TTC9: variants seen among roughly 807,000 people sequenced by gnomAD.
The protein encoded by TTC9 is tetratricopeptide repeat protein 9A.
Under a neutral mutation model 22.9 loss-of-function variants are expected in TTC9, and 13 were observed. The ratio of observed to expected loss-of-function variants is 0.57; its 90% CI spans 0.37 to 0.90. The LOEUF (loss-of-function observed/expected upper bound fraction) is 0.90. TTC9 is among the 40% of genes least tolerant of loss of function. TTC9 has a pLI of 0.01. For missense variants in TTC9, 280 were observed against 291.8 expected (o/e 0.96, Z 0.29); for synonymous variants, 148 against 133.2 (o/e 1.11, Z -0.77).
At chr14:70,666,424 C>G (rs1886216381) in intron 1 of TTC9, among the ~76,000 whole-genome samples, 1 of 152,188 alleles carries the variant, frequency 6.6e-6, no homozygotes. Context: ...AGCCCCCTCT[C>G]TCAGGAACTG....
At chr14:70,647,489 G>GT (rs1885919470) in intron 1 of TTC9, among the ~76,000 whole-genome samples, 1 of 152,150 alleles carries the variant, frequency 6.6e-6, no homozygotes, top group Non-Finnish European at 1.5e-5. Flanking sequence ...GATTATTTGT[G>GT]TTTCTGAGAA....
intron 1 of TTC9, among the ~76,000 whole-genome samples, chr14:70,661,115 T>G (rs941803563): frequency 4.6e-5 from 7 of 152,162 alleles, no homozygotes; most frequent in African/African-American, 1.7e-4. Context: ...TCCAAGCCTC[T>G]CTCCTAACTT....
At chr14:70,665,468 G>C (rs934795919) in intron 1 of TTC9, among the ~76,000 whole-genome samples, 2 of 150,786 alleles carry the variant, frequency 1.3e-5, no homozygotes, top group East Asian at 3.9e-4. Flanking sequence ...GAGAGGGGAG[G>C]GGGGCTTGTA....
chr14:70,671,189 G>A lies in TTC9; in HGVS notation c.*34G>A. On this transcript the variant is annotated 3_prime_UTR_variant, in exon 3 of 3. Transcript: ENST00000256367. Reference sequence around the variant, plus strand: ...CAGCTCCAGAGCTGCGCCCACGCCTGACCGGGGACTTCCAGGCATCCCCTG... The same window carrying A: ...CAGCTCCAGAGCTGCGCCCACGCCTAACCGGGGACTTCCAGGCATCCCCTG... The A allele has an allele frequency of 6.3e-7, 1 of 1,592,354 alleles. No individual in the cohort carries two copies. Among genetic ancestry groups the A allele is most frequent in the Non-Finnish European group, 8.6e-7 (1 of 1,162,514 alleles).
At chr14:70,665,866 C>T (rs897189889) in intron 1 of TTC9, among the ~76,000 whole-genome samples, 2 of 152,132 alleles carry the variant, frequency 1.3e-5, no homozygotes, top group Admixed American at 6.5e-5. Flanking sequence ...GAGGTGTCTT[C>T]TGTCAGTGTG....
chr14:70,642,360 A>T lies in TTC9; in HGVS notation c.231A>T (p.Ile77=), dbSNP rs759548032. Reference sequence around the variant, plus strand: ...AGGACAAGAAATTCCGTGAAGCCATAGGCAAATACCACCGGGCGTTGCTGG... The same window carrying T: ...AGGACAAGAAATTCCGTGAAGCCATTGGCAAATACCACCGGGCGTTGCTGG... ...CYKDKKFREA[I]GKYHRALLEL... Residue 77 remains isoleucine (I), a synonymous_variant, in exon 1 of 3, where the codon ATA becomes ATT. Coordinates refer to ENST00000256367, the MANE Select transcript of TTC9 (RefSeq NM_015351.2). 4 of 1,604,554 alleles carry T rather than the reference A, an allele frequency of 2.5e-6. No homozygotes were observed. In the South Asian group the frequency reaches 3.4e-5, roughly 13 times the overall value.
intron 1 of TTC9, among the ~76,000 whole-genome samples, chr14:70,659,138 A>G (rs997728391): frequency 2.0e-5 from 3 of 151,594 alleles, no homozygotes; most frequent in South Asian, 2.1e-4. Flanking sequence ...ACACGCACAC[A>G]CACACACACA....
chr14:70,646,838 G>A (rs1466999443), intron 1 of TTC9, among the ~76,000 whole-genome samples: 1 of 152,188 alleles, frequency 6.6e-6, no homozygotes. Flanking sequence ...GATGGTGCTG[G>A]TTTGAAACAA....
chr14:70,671,308 C>T lies in TTC9; in HGVS notation c.*153C>T, dbSNP rs1886291531. The T allele has an allele frequency of 1.6e-5, 10 of 615,670 alleles. No homozygotes were observed. In the South Asian group the frequency reaches 2.0e-4, roughly 12 times the overall value. The allele number at this position is 615,670 out of a possible 1,614,324, so 38.1% of individuals were successfully genotyped here. A position where few individuals can be genotyped will look rare whatever the true frequency, so the allele number is the denominator to read the frequency against. On this transcript the variant is annotated 3_prime_UTR_variant, in exon 3 of 3. Transcript: ENST00000256367. ...TTGCACCCCAGCTCTTTGTCTCCTC[C>T]CAGTACGAAAAGGAGAGATGCAAAT...
At chr14:70,664,114 G>A (rs751596220) in intron 1 of TTC9, among the ~76,000 whole-genome samples, 14 of 152,084 alleles carry the variant, frequency 9.2e-5, no homozygotes, top group Non-Finnish European at 1.9e-4. Context: ...TGACACCAGA[G>A]AAGGGATTAA....
At chr14:70,643,665 CAGTGG>C (rs1885861586) in intron 1 of TTC9, among the ~76,000 whole-genome samples, 2 of 152,056 alleles carry the variant, frequency 1.3e-5, no homozygotes, top group African/African-American at 4.8e-5. Context: ...GAAGCCGAGG[CAGTGG>C]TGGGGGAGTA....
intron 1 of TTC9, among the ~76,000 whole-genome samples, chr14:70,662,291 C>G (rs1186866696): frequency 6.6e-6 from 1 of 152,106 alleles, no homozygotes; most frequent in Admixed American, 6.6e-5. Flanking sequence ...ACCTTTCCAA[C>G]TCAACAGCCT....
intron 1 of TTC9, among the ~76,000 whole-genome samples, chr14:70,663,181 C>T (rs1348763112): frequency 6.6e-6 from 1 of 152,122 alleles, no homozygotes; most frequent in Non-Finnish European, 1.5e-5. Context: ...CTTTTTTACC[C>T]TTCCCTCTGG....
In TTC9 at chr14:70,645,530, C is replaced by G. The variant is rs555734398; in HGVS notation, c.406+2995C>G. ...TCATGAAGATTATTTTAAATAGCAA[C>G]AGAAAAGTTTTACATGTGTATTTAT... On this transcript the variant is annotated intron_variant, in intron 1 of 2. Coordinates refer to ENST00000256367, the MANE Select transcript of TTC9 (RefSeq NM_015351.2). 1.6e-4 allele frequency among the ~76,000 whole-genome samples: 24 copies of G among 152,218 alleles called. 1 individual carries two copies. Among genetic ancestry groups the G allele is most frequent in the Admixed American group, 1.4e-3 (21 of 15,296 alleles).
intron 1 of TTC9, among the ~76,000 whole-genome samples, chr14:70,663,856 G>T (rs1243389234): frequency 6.6e-6 from 1 of 152,118 alleles, no homozygotes; most frequent in African/African-American, 2.4e-5. Flanking sequence ...GGGCTGTGTG[G>T]GTTTCCGATG....
At position 70,669,996 on chromosome 14, in the gene TTC9, G is replaced by A. The variant is rs373754419; in HGVS notation, c.590-1080G>A. Among the ~76,000 whole-genome samples the A allele has an allele frequency of 7.9e-5, 12 of 152,296 alleles. 2 individuals are homozygous for A. The highest frequency in any genetic ancestry group is 2.9e-4 in the African/African-American group (12 of 41,554). On this transcript the variant is annotated intron_variant, in intron 2 of 2. Transcript: ENST00000256367. ...GAAATGCCCCAGTTTTGGTGAGGTG[G>A]TCATCTGACCCTGCTTATAACGACA...
intron 1 of TTC9, among the ~76,000 whole-genome samples, chr14:70,655,420 CAAAG>C (rs1377391545): frequency 6.8e-6 from 1 of 146,052 alleles, no homozygotes; most frequent in Non-Finnish European, 1.5e-5. Context: ...AAAAAAAAAA[CAAAG>C]AAGAAGGTAA....
intron 1 of TTC9, among the ~76,000 whole-genome samples, chr14:70,653,892 CAG>C (rs968694835): frequency 3.3e-5 from 5 of 152,276 alleles, no homozygotes; most frequent in Non-Finnish European, 4.4e-5. Flanking sequence ...GGAAGAGAAA[CAG>C]AGGATGGCAG....
At chr14:70,664,427 T>G (rs1886184743) in intron 1 of TTC9, among the ~76,000 whole-genome samples, 1 of 152,076 alleles carries the variant, frequency 6.6e-6, no homozygotes, top group Non-Finnish European at 1.5e-5. Context: ...CTGGATTCCC[T>G]TAAGAGTCCT....
Sources: allele counts gnomAD v4.1 joint callset (sites outside exome capture counted in the v4.1 genomes callset), GRCh38; gene constraint gnomAD v4.1.1; transcripts MANE v1.5; gene names NCBI Gene and HGNC (gene_info 2026-07-23, HGNC 2026-07-21).